DYNC2I1: variants seen among roughly 807,000 people sequenced by gnomAD.
DYNC2I1 encodes cytoplasmic dynein 2 intermediate chain 1.
DYNC2I1 carries 89 observed loss-of-function variants against 133.4 expected under a neutral mutation model. The ratio of observed to expected loss-of-function variants is 0.67; its 90% CI spans 0.56 to 0.80. DYNC2I1 has a LOEUF of 0.80. DYNC2I1 is among the 30% of genes least tolerant of loss of function. The pLI is 0.00. For missense variants in DYNC2I1, 1,291 were observed against 1,314.5 expected (o/e 0.98, Z 0.28); for synonymous variants, 504 against 484.3 (o/e 1.04, Z -0.54).
At chr7:158,884,422 A>G (rs1844392611) in intron 5 of DYNC2I1, 142 bp from the exon 6 acceptor site, 1 of 610,118 alleles carries the variant, frequency 1.6e-6, no homozygotes, top group Non-Finnish European at 2.7e-6. Flanking sequence ...ACTGGTAAAA[A>G]TAGTTATTTT....
chr7:158,929,767 C>T (rs776625547), intron 20 of DYNC2I1, among the ~76,000 whole-genome samples: 10 of 152,176 alleles, frequency 6.6e-5, no homozygotes, highest in Non-Finnish European at 8.8e-5. Context: ...TAGTTTTTCC[C>T]CTTGTAGTAG....
At chr7:158,849,663 G>A in the DYNC2I1 span, among the ~76,000 whole-genome samples, 307 of 152,284 alleles carry the variant, frequency 2.0e-3, 2 homozygotes, top group Admixed American at 6.8e-3. Flanking sequence ...GCAGCTGGTC[G>A]TCCTGATGTC....
intron 24 of DYNC2I1, 89 bp downstream of exon 24, chr7:158,942,237 A>C: frequency 1.0e-6 from 1 of 987,234 alleles, no homozygotes; most frequent in South Asian, 1.7e-5. Context: ...TAATTTTTGC[A>C]TGAGGCTGCT....
downstream of DYNC2I1, among the ~76,000 whole-genome samples, chr7:158,958,086 G>A (rs36193968): frequency 0.13 from 4,244 of 32,322 alleles, 23 homozygotes; most frequent in African/African-American, 0.19. Flanking sequence ...CCACAGACAC[G>A]CCCCAGGTCG....
chr7:158,855,791 A>G (rs1012955861), upstream of DYNC2I1, among the ~76,000 whole-genome samples: 3 of 152,100 alleles, frequency 2.0e-5, no homozygotes, highest in African/African-American at 7.2e-5. Flanking sequence ...GGAGGTCCTG[A>G]GAGTTTTTGA....
chr7:158,886,987 G>A (rs1585038401), intron 6 of DYNC2I1, 34 bp from the exon 7 acceptor site: 1 of 1,596,760 alleles, frequency 6.3e-7, no homozygotes, highest in Non-Finnish European at 8.6e-7. Context: ...CTCATTTAAA[G>A]TAAGTTTTGA....
At chr7:158,942,476 G>T (rs1054330975) in intron 24 of DYNC2I1, among the ~76,000 whole-genome samples, 2 of 152,116 alleles carry the variant, frequency 1.3e-5, no homozygotes, top group African/African-American at 4.8e-5. Context: ...CTCTTGGGTT[G>T]TGCATTTAAA....
intron 14 of DYNC2I1, among the ~76,000 whole-genome samples, chr7:158,915,990 G>T (rs6977426): frequency 0.64 from 43,748 of 67,874 alleles, 10,239 homozygotes; most frequent in Admixed American, 0.68. Flanking sequence ...GTGAAACGTC[G>T]ACACGCTGGT....
intron 15 of DYNC2I1, among the ~76,000 whole-genome samples, chr7:158,921,469 C>CG (rs1030812393): frequency 8.5e-5 from 13 of 152,244 alleles, no homozygotes; most frequent in African/African-American, 2.9e-4. Flanking sequence ...TAGGAGAAAA[C>CG]GGGGTCAGGT....
At chr7:158,900,143 CAG>C (rs1167826791) in intron 8 of DYNC2I1, among the ~76,000 whole-genome samples, 1 of 142,884 alleles carries the variant, frequency 7.0e-6, no homozygotes, top group African/African-American at 2.6e-5. Context: ...CTTTTTGAGA[CAG>C]AGTTTTGCTG....
chr7:158,930,577 G>T, intron 21 of DYNC2I1, 62 bp downstream of exon 21: 1 of 1,397,406 alleles, frequency 7.2e-7, no homozygotes, highest in Non-Finnish European at 1.0e-6. Flanking sequence ...ATAACATTGG[G>T]GAATTGCATA....
chr7:158,889,998 T>C, intron 7 of DYNC2I1, among the ~76,000 whole-genome samples: 1 of 105,500 alleles, frequency 9.5e-6, no homozygotes, highest in Non-Finnish European at 1.8e-5. Flanking sequence ...GGAGTGAGAC[T>C]CCTTCTCAAA....
At chr7:158,907,615 G>C (rs530810541) in intron 11 of DYNC2I1, among the ~76,000 whole-genome samples, 36 of 140,740 alleles carry the variant, frequency 2.6e-4, no homozygotes, top group African/African-American at 9.1e-4. Context: ...TTTCTTTTAC[G>C]TCTTCTGCTT....
At chr7:158,924,418 C>T (rs1182973171) in intron 17 of DYNC2I1, among the ~76,000 whole-genome samples, 1 of 152,330 alleles carries the variant, frequency 6.6e-6, no homozygotes, top group Admixed American at 6.5e-5. Flanking sequence ...CATCACTCAC[C>T]CCTCTGTGTG....
At chr7:158,942,214 G>A (rs1433221281) in intron 24 of DYNC2I1, 66 bp downstream of exon 24, 60 of 1,299,470 alleles carry the variant, frequency 4.6e-5, no homozygotes, top group East Asian at 7.3e-5. Flanking sequence ...TGCCACTTAC[G>A]GTCTTTCTTC....
At chr7:158,915,083 C>G (rs369863457) in intron 14 of DYNC2I1, among the ~76,000 whole-genome samples, 15 of 128,548 alleles carry the variant, frequency 1.2e-4, no homozygotes, top group Non-Finnish European at 2.2e-4. Flanking sequence ...ATTGTGAAAC[C>G]TCGACATGCT....
chr7:158,923,687 G>T lies in DYNC2I1; in HGVS notation c.2211G>T (p.Thr737=). The change falls in exon 17 of 25, where the codon ACG becomes ACT. Residue 737 remains threonine, a synonymous_variant. Coordinates refer to ENST00000407559, the MANE Select transcript of DYNC2I1 (RefSeq NM_018051.5). ...ACTCAAGGCTGCATTACTCTGTGAC[G>T]CTGAGCGATGGCTTCTGGACGTTCC... ...REDSRLHYSV[T]LSDGFWTFRT... 6.2e-7 allele frequency: 1 copy of T among 1,613,952 alleles called. No individual in the cohort carries two copies. The highest frequency in any genetic ancestry group is 8.5e-7 in the Non-Finnish European group (1 of 1,179,874).
rs1842845613 is a variant in DYNC2I1, at chr7:158,871,244, A to C, written c.172A>C (p.Arg58=). The change falls in exon 3 of 25, where the codon AGG becomes CGG. Residue 58 remains arginine, a synonymous_variant. Coordinates refer to ENST00000407559, the MANE Select transcript of DYNC2I1 (RefSeq NM_018051.5). The part of the protein sequence containing the change: ...DLPEHKEPRC[R]DPDQDARSRD... ...TCCTGAACATAAGGAGCCGAGGTGC[A>C]GGGATCCCGACCAGGATGCCAGGAG... 6.2e-7 allele frequency: 1 copy of C among 1,611,384 alleles called. No homozygotes were observed. Among genetic ancestry groups the C allele is most frequent in the South Asian group, 1.1e-5 (1 of 90,588 alleles).
At position 158,938,296 on chromosome 7, in the gene DYNC2I1, G is replaced by A. The variant is rs557092919; in HGVS notation, c.2779-3629G>A. 3.6e-4 allele frequency among the ~76,000 whole-genome samples: 55 copies of A among 152,332 alleles called. No homozygotes were observed. In the South Asian group the frequency reaches 7.5e-3, roughly 21 times the overall value. The stretch of plus-strand genomic sequence containing the variant: ...AGACATCTCAGTGGAAACCATACAG[G>A]CCAGGAGGGAGTAGAGTGACATTTT... On this transcript the variant is annotated intron_variant, in intron 23 of 24. Transcript: ENST00000407559.
Sources: allele counts gnomAD v4.1 joint callset (sites outside exome capture counted in the v4.1 genomes callset), GRCh38; gene constraint gnomAD v4.1.1; transcripts MANE v1.5; gene names NCBI Gene and HGNC (gene_info 2026-07-23, HGNC 2026-07-21).